The following MUSK variants were observed in gnomAD, a reference collection of about 807,000 sequenced individuals.
MUSK encodes the protein muscle, skeletal receptor tyrosine-protein kinase.
MUSK carries 55 observed loss-of-function variants against 88.7 expected under a neutral mutation model. The observed-to-expected ratio is 0.62, with a 90% CI of 0.50 to 0.78. The LOEUF (loss-of-function observed/expected upper bound fraction) is 0.78, where lower values mean the gene tolerates loss of function less well. Among genes scored for constraint, MUSK ranks in the 30% least tolerant of loss-of-function variants. MUSK has a pLI of 0.00. For missense variants in MUSK, 1,015 were observed against 1,074.3 expected (o/e 0.94, Z 0.77); for synonymous variants, 387 against 391.9 (o/e 0.99, Z 0.15).
chr9:110,687,488 C>T (rs1189776239), intron 3 of MUSK, among the ~76,000 whole-genome samples: 6 of 151,856 alleles, frequency 4.0e-5, no homozygotes, highest in African/African-American at 1.5e-4. Flanking sequence ...GTGCGTGCCA[C>T]CAAGCTCAGC....
chr9:110,725,230 C>T (rs1221672358), intron 5 of MUSK, among the ~76,000 whole-genome samples: 1 of 151,866 alleles, frequency 6.6e-6, no homozygotes, highest in African/African-American at 2.4e-5. Context: ...ATAAGAATGA[C>T]ACATTAGACT....
At chr9:110,767,744 CA>C (rs113978287) in intron 8 of MUSK, 75 bp from the exon 9 acceptor site, 51,095 of 941,824 alleles carry the variant, frequency 0.054, no homozygotes, top group South Asian at 0.068. Flanking sequence ...ATGTGAAAAC[CA>C]AAAAAAAAAA....
intron 1 of MUSK, among the ~76,000 whole-genome samples, chr9:110,676,976 C>T (rs1244671058): frequency 6.6e-6 from 1 of 152,180 alleles, no homozygotes; most frequent in East Asian, 1.9e-4. Flanking sequence ...AAACCTACCT[C>T]TCTGCATCCA....
chr9:110,750,433 G>C (rs2077233722), intron 7 of MUSK, among the ~76,000 whole-genome samples: 1 of 152,064 alleles, frequency 6.6e-6, no homozygotes, highest in Admixed American at 6.5e-5. Context: ...AGGGCCCAGG[G>C]GACCTCCCTG....
chr9:110,749,257 A>G (rs2077217438), intron 7 of MUSK, among the ~76,000 whole-genome samples: 2 of 152,226 alleles, frequency 1.3e-5, no homozygotes. Flanking sequence ...TCAGTCACGT[A>G]TATTATGGCA....
chr9:110,786,278 T>G (rs953484374), intron 13 of MUSK, among the ~76,000 whole-genome samples: 10 of 138,802 alleles, frequency 7.2e-5, no homozygotes, highest in African/African-American at 2.7e-4. Context: ...GCCACTGCAC[T>G]CCAGCCTGGG....
At chr9:110,720,607 G>T (rs1490850605) in intron 5 of MUSK, among the ~76,000 whole-genome samples, 3 of 151,740 alleles carry the variant, frequency 2.0e-5, no homozygotes, top group African/African-American at 4.8e-5. Flanking sequence ...TTTTAAAATT[G>T]CCAAGAAAAA....
At chr9:110,739,486 A>C (rs1450319707) in intron 6 of MUSK, among the ~76,000 whole-genome samples, 4 of 152,184 alleles carry the variant, frequency 2.6e-5, no homozygotes, top group Non-Finnish European at 5.9e-5. Flanking sequence ...GGTCAAACTA[A>C]TACAACGTGG....
rs780843719 is a variant in MUSK, at chr9:110,775,966, AAC to A, written c.1360+7_1360+8del. On this transcript the variant is annotated splice_donor_5th_base_variant and intron_variant, in intron 10 of 14. Coordinates refer to ENST00000374448, the MANE Select transcript of MUSK (RefSeq NM_005592.4). ...CTGTGCCAGACTGCCACATCTAGGT[AAC>A]ACAGAGTTCTCCCAAGACTTTGGAG... The A allele has an allele frequency of 6.9e-6, 11 of 1,604,390 alleles. No homozygotes were observed. The highest frequency in any genetic ancestry group is 5.6e-5 in the South Asian group (5 of 89,728).
At chr9:110,758,522 C>A (rs1242477835) in intron 7 of MUSK, among the ~76,000 whole-genome samples, 1 of 152,130 alleles carries the variant, frequency 6.6e-6, no homozygotes, top group Non-Finnish European at 1.5e-5. Flanking sequence ...GACAAGGATG[C>A]CCACTCTCAC....
chr9:110,721,130 G>A (rs960684254), intron 5 of MUSK, among the ~76,000 whole-genome samples: 18 of 152,128 alleles, frequency 1.2e-4, no homozygotes, highest in Admixed American at 7.2e-4. Flanking sequence ...CACAGCCAAC[G>A]TTATACTGAA....
intron 1 of MUSK, among the ~76,000 whole-genome samples, chr9:110,670,220 G>A (rs532307001): frequency 6.6e-6 from 1 of 152,220 alleles, no homozygotes; most frequent in Admixed American, 6.5e-5. Context: ...ACAGATAAAA[G>A]AGACTCTAGA....
intron 7 of MUSK, among the ~76,000 whole-genome samples, chr9:110,749,500 A>G (rs982075342): frequency 6.6e-6 from 1 of 152,238 alleles, no homozygotes; most frequent in Non-Finnish European, 1.5e-5. Context: ...AAGTTGAAAC[A>G]TGGGCTCTAG....
chr9:110,728,715 A>G (rs536462996), intron 5 of MUSK: 1 of 1,574,428 alleles, frequency 6.4e-7, no homozygotes, highest in Admixed American at 1.8e-5. Flanking sequence ...CAAGATACTA[A>G]AGGTATTTTT....
At chr9:110,745,620 T>G (rs1478041110) in intron 6 of MUSK, among the ~76,000 whole-genome samples, 1 of 152,214 alleles carries the variant, frequency 6.6e-6, no homozygotes, top group East Asian at 1.9e-4. Context: ...ACTCATACAA[T>G]GAGACATTGC....
At chr9:110,735,762 G>A (rs980627673) in intron 6 of MUSK, among the ~76,000 whole-genome samples, 2 of 152,082 alleles carry the variant, frequency 1.3e-5, no homozygotes, top group African/African-American at 4.8e-5. Flanking sequence ...TGCTTCTGGG[G>A]AGGCCTCCAG....
In MUSK at chr9:110,800,837, T is replaced by C. The variant is rs2078085406; in HGVS notation, c.2459T>C (p.Ile820Thr). ...ATTTACTACGTGCGAGATGGCAACA[T>C]CCTCTCCTGCCCTGAGAACTGCCCC... is the stretch of plus-strand genomic sequence containing the variant. ...EVIYYVRDGNILSCPENCPVE... is the reference protein window; with the variant it reads ...EVIYYVRDGNTLSCPENCPVE... Residue 820 changes from isoleucine (I) to threonine (T), a missense_variant, in exon 15 of 15, where the codon ATC becomes ACC. Physicochemically the swap from Ile to Thr is moderately conservative, Grantham distance 89. Coordinates refer to ENST00000374448, the MANE Select transcript of MUSK (RefSeq NM_005592.4). 1 of 1,611,358 alleles carries C rather than the reference T, an allele frequency of 6.2e-7. No individual in the cohort carries two copies. Among genetic ancestry groups the C allele is most frequent in the Non-Finnish European group, 8.5e-7 (1 of 1,178,042 alleles).
At chr9:110,797,984 G>A (rs2078036530) in intron 14 of MUSK, among the ~76,000 whole-genome samples, 1 of 152,104 alleles carries the variant, frequency 6.6e-6, no homozygotes, top group South Asian at 2.1e-4. Context: ...TCACTACTTG[G>A]AGTTTTCTCT....
At chr9:110,670,002 T>A (rs1232335520) in intron 1 of MUSK, among the ~76,000 whole-genome samples, 2 of 152,188 alleles carry the variant, frequency 1.3e-5, no homozygotes, top group Non-Finnish European at 2.9e-5. Context: ...GCAAAATGTA[T>A]CTTTAGATTT....
Sources: gnomAD v4.1 joint callset for allele counts (sites outside exome capture counted in the v4.1 genomes callset) on GRCh38, gnomAD v4.1.1 for gene constraint, MANE v1.5 for transcripts, NCBI Gene and HGNC (gene_info 2026-07-23, HGNC 2026-07-21) for gene names.